ARHGAP42: variants seen among roughly 807,000 people sequenced by gnomAD.
ARHGAP42 encodes the protein rho GTPase-activating protein 42.
Under a neutral mutation model 125.0 loss-of-function variants are expected in ARHGAP42, and 63 were observed. The observed-to-expected ratio is 0.50, with a 90% CI of 0.41 to 0.62. ARHGAP42 has a LOEUF of 0.62. Among genes scored for constraint, ARHGAP42 ranks in the 20% least tolerant of loss-of-function variants. The probability of loss-of-function intolerance (pLI) is 0.00; values close to 1 mark genes in which losing one functional copy is unlikely to be tolerated. For missense variants in ARHGAP42, 766 were observed against 1,024.2 expected (o/e 0.75, Z 3.44); for synonymous variants, 339 against 351.0 (o/e 0.97, Z 0.38).
At chr11:100,962,500 T>C in intron 16 of ARHGAP42, 33 bp downstream of exon 16, 3 of 1,494,798 alleles carry the variant, frequency 2.0e-6, no homozygotes, top group South Asian at 1.2e-5. Context: ...CACATTATAA[T>C]TGATGTAGTT....
intron 5 of ARHGAP42, among the ~76,000 whole-genome samples, chr11:100,918,261 C>T (rs1408104739): frequency 6.6e-6 from 1 of 152,208 alleles, no homozygotes; most frequent in Non-Finnish European, 1.5e-5. Context: ...TCAAACTCTT[C>T]TCATTTTATC....
chr11:100,924,227 G>T (rs919619430), intron 6 of ARHGAP42, among the ~76,000 whole-genome samples: 2 of 151,990 alleles, frequency 1.3e-5, no homozygotes, highest in Admixed American at 1.3e-4. Flanking sequence ...ATATCCAAAA[G>T]AAAATATGAA....
chr11:100,944,610 C>G (rs1460578651), intron 10 of ARHGAP42, among the ~76,000 whole-genome samples: 1 of 151,598 alleles, frequency 6.6e-6, no homozygotes, highest in Admixed American at 6.6e-5. Flanking sequence ...GGTTCCAAAC[C>G]ACTGTAATAA....
chr11:100,689,296 C>T (rs187446099), intron 1 of ARHGAP42, among the ~76,000 whole-genome samples: 50 of 152,312 alleles, frequency 3.3e-4, no homozygotes, highest in African/African-American at 8.4e-4. Flanking sequence ...GCTTGCAAAT[C>T]CTGGTTAAAG....
intron 16 of ARHGAP42, among the ~76,000 whole-genome samples, chr11:100,964,620 G>A (rs1030491475): frequency 6.6e-6 from 1 of 152,160 alleles, no homozygotes; most frequent in African/African-American, 2.4e-5. Flanking sequence ...TTTATTTGCT[G>A]CAGTAAGAGA....
intron 3 of ARHGAP42, among the ~76,000 whole-genome samples, chr11:100,803,999 A>G (rs1235398410): frequency 3.9e-5 from 6 of 152,214 alleles, no homozygotes; most frequent in African/African-American, 9.6e-5. Context: ...CCAGAACTGT[A>G]TATTTTTTTA....
intron 1 of ARHGAP42, among the ~76,000 whole-genome samples, chr11:100,747,108 G>A (rs374454804): frequency 6.6e-6 from 1 of 152,324 alleles, no homozygotes; most frequent in South Asian, 2.1e-4. Context: ...GGTGGTGCCT[G>A]TGCTAAAAGA....
rs531755175 is a variant in ARHGAP42, at chr11:100,992,959, A to G, written c.*4158A>G. 27 of 409,344 alleles carry G rather than the reference A, an allele frequency of 6.6e-5. No individual in the cohort carries two copies. The South Asian group carries it at 1.3e-3, about 20-fold the overall frequency. The allele number at this position is 409,344 out of a possible 1,614,324, so 25.4% of individuals were successfully genotyped here. On this transcript the variant is annotated 3_prime_UTR_variant, in exon 24 of 24. Transcript: ENST00000298815. ...CAGTGTGGATTTTTCTTGGTGCTCT[A>G]TGGAGAAATGGAGTCTGTGTGCTTA... is the stretch of plus-strand genomic sequence containing the variant.
intron 2 of ARHGAP42, among the ~76,000 whole-genome samples, chr11:100,787,152 C>G (rs927851785): frequency 2.0e-5 from 3 of 151,892 alleles, no homozygotes; most frequent in African/African-American, 7.3e-5. Context: ...GTGGTGGGCG[C>G]CTGTAGTCCC....
chr11:100,772,397 A>G (rs1863004643), intron 2 of ARHGAP42, among the ~76,000 whole-genome samples: 1 of 152,162 alleles, frequency 6.6e-6, no homozygotes, highest in South Asian at 2.1e-4. Flanking sequence ...GAGCAGATAT[A>G]TGCCAAGTGG....
At chr11:100,810,766 A>T (rs964867286) in intron 3 of ARHGAP42, among the ~76,000 whole-genome samples, 2 of 152,190 alleles carry the variant, frequency 1.3e-5, no homozygotes, top group African/African-American at 4.8e-5. Context: ...ATGTGTTTTC[A>T]GGATCAGCAG....
rs941169015 is a variant in ARHGAP42, at chr11:100,921,426, C to A, written c.487-68C>A. ...TAGGAGTTACTTTTTAATAAAGATA[C>A]CAGAGCAGGAATTGAGTCCCTCTCT... On this transcript the variant is annotated intron_variant, in intron 5 of 23. Coordinates refer to ENST00000298815, the MANE Select transcript of ARHGAP42 (RefSeq NM_152432.4). The A allele has an allele frequency of 5.3e-6, 6 of 1,141,816 alleles. No individual in the cohort carries two copies. In the East Asian group the frequency reaches 1.6e-4, roughly 30 times the overall value. The allele number at this position is 1,141,816 out of a possible 1,614,324, so 70.7% of individuals were successfully genotyped here.
chr11:100,784,946 T>C (rs1863399258), intron 2 of ARHGAP42, among the ~76,000 whole-genome samples: 1 of 152,224 alleles, frequency 6.6e-6, no homozygotes, highest in African/African-American at 2.4e-5. Flanking sequence ...GTTGTGAGCA[T>C]TGAAGAGCTT....
chr11:100,973,137 A>G (rs1343745087), intron 17 of ARHGAP42, 38 bp from the exon 18 acceptor site: 2 of 1,471,942 alleles, frequency 1.4e-6, no homozygotes, highest in East Asian at 2.5e-5. Flanking sequence ...ATTTTGAAAC[A>G]TATAACTTAA....
intron 4 of ARHGAP42, among the ~76,000 whole-genome samples, chr11:100,881,726 A>G (rs746879959): frequency 6.6e-6 from 1 of 151,928 alleles, no homozygotes. Context: ...ATGTGTTTCT[A>G]TTTGTTTGTG....
At chr11:100,822,321 T>C (rs910360133) in intron 3 of ARHGAP42, among the ~76,000 whole-genome samples, 1 of 152,102 alleles carries the variant, frequency 6.6e-6, no homozygotes, top group Admixed American at 6.6e-5. Context: ...TAAAAAAAAA[T>C]TTTTCTATCA....
intron 23 of ARHGAP42, among the ~76,000 whole-genome samples, chr11:100,988,206 C>A (rs1192600785): frequency 6.6e-6 from 1 of 150,408 alleles, no homozygotes; most frequent in Non-Finnish European, 1.5e-5. Context: ...CCTGTTTGTA[C>A]ATGTGTGTGA....
chr11:100,697,358 A>G (rs527713648), intron 1 of ARHGAP42, among the ~76,000 whole-genome samples: 37 of 151,922 alleles, frequency 2.4e-4, no homozygotes, highest in Admixed American at 2.2e-3. Flanking sequence ...GATTTTTTGT[A>G]TTTTTAGTAG....
chr11:100,849,194 T>G (rs1340111569), intron 3 of ARHGAP42, among the ~76,000 whole-genome samples: 1 of 151,810 alleles, frequency 6.6e-6, no homozygotes, highest in Non-Finnish European at 1.5e-5. Context: ...TCATATGTTT[T>G]AAAGAGAATT....
Sources: allele counts gnomAD v4.1 joint callset (sites outside exome capture counted in the v4.1 genomes callset), GRCh38; gene constraint gnomAD v4.1.1; transcripts MANE v1.5; gene names NCBI Gene and HGNC (gene_info 2026-07-23, HGNC 2026-07-21).